Variants in KIAA0825 observed in about 807,000 individuals in gnomAD.
KIAA0825 encodes the protein KIAA0825.
In KIAA0825, 119 loss-of-function variants were observed where a neutral mutation model predicts 147.6. That is an observed-to-expected ratio of 0.81 (90% CI 0.69 to 0.94). KIAA0825 has a LOEUF of 0.94. Ranked by LOEUF, KIAA0825 falls within the 40% of genes least tolerant of loss-of-function variation. The pLI, the probability that KIAA0825 is intolerant of heterozygous loss-of-function variation, is 0.00. For synonymous variants in KIAA0825, 470 were observed against 518.1 expected, an observed-to-expected ratio of 0.91 and a Z score of 1.26; for missense variants, 1,381 against 1,472.7, an observed-to-expected ratio of 0.94 and a Z score of 1.02.
chr5:94,283,145 G>A (rs867085781), intron 20 of KIAA0825, among the ~76,000 whole-genome samples: 13 of 152,002 alleles, frequency 8.6e-5, no homozygotes, highest in South Asian at 2.1e-4. Context: ...TGAGCTGAAC[G>A]GTTACTACAT....
At chr5:94,536,514 A>G (rs756839032) in intron 3 of KIAA0825, among the ~76,000 whole-genome samples, 8 of 152,204 alleles carry the variant, frequency 5.3e-5, no homozygotes, top group Non-Finnish European at 7.3e-5. Context: ...TTCCCCCAGT[A>G]TTTGGTAACA....
intron 12 of KIAA0825, among the ~76,000 whole-genome samples, chr5:94,458,140 C>CAGAAAG (rs1759354918): frequency 6.6e-6 from 1 of 152,192 alleles, no homozygotes; most frequent in Admixed American, 6.5e-5. Flanking sequence ...AAACAGAATT[C>CAGAAAG]TAAGTAGCTA....
intron 20 of KIAA0825, among the ~76,000 whole-genome samples, chr5:94,370,374 T>C (rs79106118): frequency 0.031 from 4,761 of 152,310 alleles, 233 homozygotes; most frequent in African/African-American, 0.11. Flanking sequence ...TATTCATTTG[T>C]TGTAACTCAG....
Position 94,518,531 on chromosome 5 carries a change from A to C in KIAA0825, c.970+1717T>G, listed in dbSNP as rs79102791. Among the ~76,000 whole-genome samples, 304 of 152,248 alleles carry C rather than the reference A, an allele frequency of 2.0e-3. 1 individual carries two copies. Among genetic ancestry groups the C allele is most frequent in the African/African-American group, 7.1e-3 (295 of 41,566 alleles). On this transcript the variant is annotated intron_variant, in intron 5 of 20. Coordinates refer to ENST00000682413, the MANE Select transcript of KIAA0825 (RefSeq NM_001145678.3). ...TTGAGAACATGGGTCCCAGAAATAGAAAGATCTGCATATGACTTCTAAGTA... is the reference window on the plus strand; with the variant it reads ...TTGAGAACATGGGTCCCAGAAATAGCAAGATCTGCATATGACTTCTAAGTA...
intron 2 of KIAA0825, among the ~76,000 whole-genome samples, chr5:94,581,499 AAAC>A (rs563090212): frequency 6.0e-4 from 92 of 152,280 alleles, no homozygotes; most frequent in Admixed American, 1.1e-3. Context: ...ACACCAACCA[AAAC>A]AACAAGAATT....
intron 20 of KIAA0825, among the ~76,000 whole-genome samples, chr5:94,376,786 C>T (rs1442508668): frequency 6.6e-6 from 1 of 152,104 alleles, no homozygotes; most frequent in Non-Finnish European, 1.5e-5. Context: ...CATGAAAAAA[C>T]CCACCAAATT....
At chr5:94,510,198 C>G (rs1328682153) in intron 5 of KIAA0825, among the ~76,000 whole-genome samples, 2 of 152,136 alleles carry the variant, frequency 1.3e-5, no homozygotes, top group Non-Finnish European at 2.9e-5. Context: ...GAAGGACAAA[C>G]AGTATAAAGC....
rs373813457 is a variant in KIAA0825, at chr5:94,153,996, T to C, written c.*11A>G. ...GTTTCCTAAAATAAAGCTGTTGCTG[T>C]TTTCTGCAGATTACTGTTCCTCTAT... is the stretch of plus-strand genomic sequence containing the variant. On this transcript the variant is annotated 3_prime_UTR_variant, in exon 21 of 21. Transcript: ENST00000682413. The C allele has an allele frequency of 3.0e-5, 46 of 1,530,582 alleles. No individual in the cohort carries two copies. Among genetic ancestry groups the C allele is most frequent in the Non-Finnish European group, 3.8e-5 (43 of 1,128,040 alleles). The allele number at this position is 1,530,582 out of a possible 1,614,324, so 94.8% of individuals were successfully genotyped here.
intron 20 of KIAA0825, among the ~76,000 whole-genome samples, chr5:94,357,269 A>T (rs1235852109): frequency 2.6e-5 from 4 of 152,188 alleles, no homozygotes; most frequent in Non-Finnish European, 5.9e-5. Flanking sequence ...TCCCCAACTG[A>T]TAAAACTTTG....
chr5:94,529,359 T>C (rs1770231939), intron 3 of KIAA0825, among the ~76,000 whole-genome samples: 1 of 146,330 alleles, frequency 6.8e-6, no homozygotes. Flanking sequence ...TATATGTATA[T>C]ATCATATATG....
intron 5 of KIAA0825, among the ~76,000 whole-genome samples, chr5:94,507,320 C>T (rs1221130911): frequency 6.6e-6 from 1 of 152,046 alleles, no homozygotes; most frequent in Non-Finnish European, 1.5e-5. Context: ...TAGTGGTGCA[C>T]ACCTGTAGTC....
intron 20 of KIAA0825, among the ~76,000 whole-genome samples, chr5:94,366,934 A>G (rs1228899165): frequency 6.6e-6 from 1 of 152,174 alleles, no homozygotes; most frequent in East Asian, 1.9e-4. Flanking sequence ...GTTTGACCTG[A>G]TTGGCTAGCA....
intron 20 of KIAA0825, among the ~76,000 whole-genome samples, chr5:94,373,127 C>T (rs1264964691): frequency 6.6e-6 from 1 of 152,186 alleles, no homozygotes; most frequent in Admixed American, 6.5e-5. Context: ...CTAGGAAGTT[C>T]AAAACTTTCT....
At chr5:94,616,389 A>G (rs1358496150) in intron 1 of KIAA0825, among the ~76,000 whole-genome samples, 2 of 151,138 alleles carry the variant, frequency 1.3e-5, no homozygotes, top group African/African-American at 4.9e-5. Flanking sequence ...TTAATAAAGC[A>G]TATTCCTGAA....
rs1561282087 is a variant in KIAA0825 at position 94,537,114 on chromosome 5, C to A, written c.13G>T (p.Asp5Tyr). The part of the protein sequence containing the change: MDWD[D>Y]EYSHNSFDLH... ...TCAAAAGAATTATGAGAATATTCATCATCCCAATCCATTCTGAGGAGCAAG... is the reference window on the plus strand; with the variant it reads ...TCAAAAGAATTATGAGAATATTCATAATCCCAATCCATTCTGAGGAGCAAG... The change falls in exon 3 of 21, where the codon GAT becomes TAT. Residue 5 changes from aspartate (D) to tyrosine (Y), a missense_variant. Asp to Tyr is a radical substitution (Grantham distance 160, BLOSUM62 -3). Transcript: ENST00000682413. The A allele has an allele frequency of 1.2e-6, 2 of 1,609,878 alleles. No homozygotes were observed. Among genetic ancestry groups the A allele is most frequent in the East Asian group, 4.5e-5 (2 of 44,710 alleles).
intron 1 of KIAA0825, among the ~76,000 whole-genome samples, chr5:94,587,374 T>C (rs954462126): frequency 6.6e-6 from 1 of 152,048 alleles, no homozygotes; most frequent in African/African-American, 2.4e-5. Flanking sequence ...TGTGCAAAAA[T>C]CACAAGCAGT....
intron 5 of KIAA0825, among the ~76,000 whole-genome samples, chr5:94,497,314 C>T (rs941074018): frequency 2.0e-5 from 3 of 152,130 alleles, no homozygotes; most frequent in Non-Finnish European, 4.4e-5. Context: ...CAATGAGAGC[C>T]AATGCACACT....
intron 20 of KIAA0825, among the ~76,000 whole-genome samples, chr5:94,267,786 T>C (rs574919226): frequency 6.6e-6 from 1 of 152,310 alleles, no homozygotes; most frequent in South Asian, 2.1e-4. Flanking sequence ...TCTCTTTTTT[T>C]CCCTCTTTGT....
chr5:94,473,352 CT>C lies in KIAA0825; in HGVS notation c.1394del (p.Gln465ArgfsTer80). 2 of 1,551,854 alleles carry C rather than the reference CT, an allele frequency of 1.3e-6. No individual in the cohort carries two copies. Among genetic ancestry groups the C allele is most frequent in the Non-Finnish European group, 1.7e-6 (2 of 1,147,028 alleles). The stretch of plus-strand genomic sequence containing the variant: ...ACATATGGCTGTCTTGCCAAACTTG[CT>C]GGACATTTACAAGGTTCATAGCATA... The part of the protein sequence containing the change: ...VSYAMNLVNV[Q>X]QVWQDSHMFP... On this transcript the variant is annotated frameshift_variant, in exon 8 of 21. Transcript: ENST00000682413. LOFTEE classifies it high-confidence loss of function.
Sources: allele counts gnomAD v4.1 joint callset (sites outside exome capture counted in the v4.1 genomes callset), GRCh38; gene constraint gnomAD v4.1.1; transcripts MANE v1.5; gene names NCBI Gene and HGNC (gene_info 2026-07-23, HGNC 2026-07-21).